Variants in EIF3H observed in about 807,000 individuals in gnomAD.
EIF3H encodes eIF-3-gamma.
In EIF3H, 26 loss-of-function variants were observed where a neutral mutation model predicts 44.2. The observed-to-expected ratio is 0.59, with a 90% CI of 0.43 to 0.82. The LOEUF (loss-of-function observed/expected upper bound fraction) is 0.82, where lower values mean the gene tolerates loss of function less well. EIF3H is among the 40% of genes least tolerant of loss of function. The pLI is 0.00. For synonymous variants in EIF3H, 166 were observed against 151.9 expected (o/e 1.09, Z -0.68); for missense variants, 359 against 432.8 (o/e 0.83, Z 1.51).
intron 2 of EIF3H, among the ~76,000 whole-genome samples, chr8:116,678,604 C>G (rs978663598): frequency 6.7e-6 from 1 of 150,222 alleles, no homozygotes; most frequent in Admixed American, 6.6e-5. Flanking sequence ...CTCTGCCCGG[C>G]CGCCCATCGT....
rs1185279050 is a variant in EIF3H at position 116,678,835 on chromosome 8, G to A, written c.290-19855C>T. ...TGGGAAGTGAGGAGCGTCTCCGCCCGGCAGCCACCCCGACCGGGAGGGAGG... is the reference window on the plus strand; with the variant it reads ...TGGGAAGTGAGGAGCGTCTCCGCCCAGCAGCCACCCCGACCGGGAGGGAGG... On this transcript the variant is annotated intron_variant, in intron 2 of 7. Coordinates refer to ENST00000521861, the MANE Select transcript of EIF3H (RefSeq NM_003756.3). 4.8e-5 allele frequency among the ~76,000 whole-genome samples: 7 copies of A among 146,138 alleles called. No individual in the cohort carries two copies. The East Asian group carries it at 8.1e-4, about 17-fold the overall frequency.
intron 1 of EIF3H, among the ~76,000 whole-genome samples, chr8:116,752,786 AG>A (rs1563663243): frequency 0.028 from 1,745 of 63,378 alleles, 131 homozygotes; most frequent in African/African-American, 0.055. Context: ...GGAGGGAGGG[AG>A]GGAGGGAGGG....
At chr8:116,689,205 T>A (rs1180463520) in intron 2 of EIF3H, 2 of 371,884 alleles carry the variant, frequency 5.4e-6, no homozygotes, top group Non-Finnish European at 1.1e-5. Flanking sequence ...TAATTCCACT[T>A]ACATGAGTTA....
intron 2 of EIF3H, among the ~76,000 whole-genome samples, chr8:116,695,365 G>A (rs1487721365): frequency 1.3e-5 from 2 of 152,046 alleles, no homozygotes; most frequent in African/African-American, 2.4e-5. Context: ...GAGCCACCAC[G>A]CCCACTGCTC....
At chr8:116,710,478 G>A (rs1814554911) in intron 2 of EIF3H, among the ~76,000 whole-genome samples, 2 of 152,028 alleles carry the variant, frequency 1.3e-5, no homozygotes, top group South Asian at 2.1e-4. Flanking sequence ...TTCAACCACC[G>A]CTAATTTTCT....
rs1586469887 is a variant in EIF3H, at chr8:116,711,423, T to C, written c.289+14593A>G. Among the ~76,000 whole-genome samples the C allele has an allele frequency of 2.6e-5, 4 of 152,316 alleles. No individual in the cohort carries two copies. In the South Asian group the frequency reaches 8.3e-4, roughly 32 times the overall value. ...TTATCTTTTTTCATGGGGTTGGTGA[T>C]GCTGGTAGTTGGAGGAAGAAGAGAA... On this transcript the variant is annotated intron_variant, in intron 2 of 7. Coordinates refer to ENST00000521861, the MANE Select transcript of EIF3H (RefSeq NM_003756.3).
At chr8:116,699,587 A>T (rs1814333308) in intron 2 of EIF3H, among the ~76,000 whole-genome samples, 1 of 152,218 alleles carries the variant, frequency 6.6e-6, no homozygotes, top group African/African-American at 2.4e-5. Flanking sequence ...TTGAAAAACC[A>T]TTGGGTACTA....
chr8:116,722,764 TA>T (rs1814771976), intron 2 of EIF3H, among the ~76,000 whole-genome samples: 1 of 152,192 alleles, frequency 6.6e-6, no homozygotes, highest in Non-Finnish European at 1.5e-5. Context: ...TTAAAAAATC[TA>T]CTCTCGCGAA....
At chr8:116,705,143 A>G (rs1016177308) in intron 2 of EIF3H, among the ~76,000 whole-genome samples, 2 of 152,336 alleles carry the variant, frequency 1.3e-5, no homozygotes, top group African/African-American at 4.8e-5. Context: ...ATGCACCCAT[A>G]TGAATTTAGA....
At chr8:116,727,349 A>T (rs1309533708) in intron 1 of EIF3H, among the ~76,000 whole-genome samples, 1 of 152,260 alleles carries the variant, frequency 6.6e-6, no homozygotes, top group East Asian at 1.9e-4. Flanking sequence ...AAGGGAGCAA[A>T]GGGAAAACAG....
At chr8:116,668,895 A>G (rs1274579008) in intron 2 of EIF3H, among the ~76,000 whole-genome samples, 1 of 152,180 alleles carries the variant, frequency 6.6e-6, no homozygotes, top group Non-Finnish European at 1.5e-5. Flanking sequence ...GAACCCAGGT[A>G]CTATGATACT....
At chr8:116,677,209 CTG>C (rs1813864135) in intron 2 of EIF3H, among the ~76,000 whole-genome samples, 1 of 152,118 alleles carries the variant, frequency 6.6e-6, no homozygotes, top group Non-Finnish European at 1.5e-5. Context: ...GAAAAATACT[CTG>C]TGCAAAAATA....
chr8:116,765,777 T>C (rs1446044344), exon 1 of EIF3H: 2 of 152,224 alleles, frequency 1.3e-5, no homozygotes, highest in Non-Finnish European at 2.9e-5. Context: ...TCAAACGGCT[T>C]GGGTTTGTGG....
At chr8:116,715,383 C>T (rs1448550939) in intron 2 of EIF3H, among the ~76,000 whole-genome samples, 1 of 151,938 alleles carries the variant, frequency 6.6e-6, no homozygotes, top group African/African-American at 2.4e-5. Context: ...TTTATCACTA[C>T]ATTGTGAACT....
At chr8:116,690,390 AC>A (rs1814154013) in intron 2 of EIF3H, among the ~76,000 whole-genome samples, 2 of 146,220 alleles carry the variant, frequency 1.4e-5, no homozygotes, top group South Asian at 4.4e-4. Flanking sequence ...AAAAAAAAAA[AC>A]CCATAAAGTT....
In EIF3H at chr8:116,648,864, A is replaced by G. The variant is rs1234407980; in HGVS notation, c.770T>C (p.Ile257Thr). The change falls in exon 6 of 8, where the codon ATA becomes ACA. Residue 257 changes from isoleucine to threonine, a missense_variant. Around this residue, in one of 5 missense-constraint regions of EIF3H, gnomAD observed 30 missense variants for 59.5 expected, o/e 0.50. Transcript: ENST00000521861. ...MDRVDEMSQD[I>T]VKYNTYMRNT... ...CCTCATGTATGTGTTGTATTTAACTATATCTTGGCTCATTTCATCCACTCT... is the reference window on the plus strand; with the variant it reads ...CCTCATGTATGTGTTGTATTTAACTGTATCTTGGCTCATTTCATCCACTCT... 3.7e-6 allele frequency: 6 copies of G among 1,612,618 alleles called. No individual in the cohort carries two copies. Among genetic ancestry groups the G allele is most frequent in the East Asian group, 2.2e-5 (1 of 44,702 alleles).
chr8:116,646,676 C>A (rs1306868469), intron 6 of EIF3H, 73 bp from the exon 7 acceptor site: 16 of 1,575,380 alleles, frequency 1.0e-5, no homozygotes, highest in African/African-American at 2.7e-5. Flanking sequence ...CCTTCCCCTA[C>A]ACAACCAGCA....
intron 1 of EIF3H, among the ~76,000 whole-genome samples, chr8:116,739,494 C>CAA (rs1257078625): frequency 6.6e-6 from 1 of 152,126 alleles, no homozygotes; most frequent in African/African-American, 2.4e-5. Context: ...ACTAAACATA[C>CAA]AAAAAATTAG....
chr8:116,659,126 T>C (rs1813543602), intron 2 of EIF3H, 146 bp from the exon 3 acceptor site: 1 of 678,954 alleles, frequency 1.5e-6, no homozygotes, highest in East Asian at 3.0e-5. Flanking sequence ...TTCATTCAGT[T>C]CACATATAAA....
Sources: gnomAD v4.1 joint callset for allele counts (sites outside exome capture counted in the v4.1 genomes callset) on GRCh38, gnomAD v4.1.1 for gene constraint, gnomAD v4.1.1 regional missense constraint, MANE v1.5 for transcripts, NCBI Gene and HGNC (gene_info 2026-07-23, HGNC 2026-07-21) for gene names.